The following FANCB variants were observed in gnomAD, a reference collection of about 807,000 sequenced individuals.
FANCB encodes the protein FA complementation group B.
In FANCB, 5 loss-of-function variants were observed where a neutral mutation model predicts 38.9. The ratio of observed to expected loss-of-function variants is 0.13; its 90% CI spans 0.07 to 0.27. The LOEUF (loss-of-function observed/expected upper bound fraction) is 0.27. Among genes scored for constraint, FANCB ranks in the 10% least tolerant of loss-of-function variants. FANCB has a pLI of 1.00. For missense variants in FANCB, 573 were observed against 602.7 expected, an observed-to-expected ratio of 0.95 and a Z score of 0.52; for synonymous variants, 236 against 215.4, an observed-to-expected ratio of 1.10 and a Z score of -0.84.
the FANCB span, among the ~76,000 whole-genome samples, chrX:14,823,749 C>T: frequency 1.8e-5 from 2 of 111,948 alleles, no homozygotes; most frequent in Admixed American, 1.9e-4. Flanking sequence ...GACAAATGTA[C>T]ACATTTGGGT....
the FANCB span, among the ~76,000 whole-genome samples, chrX:14,809,826 C>A: frequency 8.9e-6 from 1 of 112,535 alleles, no homozygotes; most frequent in Non-Finnish European, 1.9e-5. Flanking sequence ...TTGAAGAGAG[C>A]AGTGGTTCTC....
At chrX:14,729,757 T>C in the FANCB span, among the ~76,000 whole-genome samples, 1 of 111,219 alleles carries the variant, frequency 9.0e-6, no homozygotes, top group Non-Finnish European at 1.9e-5. Flanking sequence ...ACCACAATAC[T>C]ATAGGTTCCT....
chrX:14,844,816 T>C (rs770615860), intron 8 of FANCB, 40 bp downstream of exon 8: 3 of 1,163,979 alleles, frequency 2.6e-6, no homozygotes, highest in Non-Finnish European at 3.5e-6. Flanking sequence ...AATTTTCTAA[T>C]TCAATTAAAT....
the FANCB span, among the ~76,000 whole-genome samples, chrX:14,805,488 C>T: frequency 4.5e-5 from 5 of 111,066 alleles, no homozygotes; most frequent in African/African-American, 1.6e-4. Context: ...TCATGGAGAA[C>T]ACACCATCAC....
chrX:14,790,737 G>A, the FANCB span, among the ~76,000 whole-genome samples: 1 of 111,406 alleles, frequency 9.0e-6, no homozygotes, highest in Non-Finnish European at 1.9e-5. Flanking sequence ...TTAGAGTGTT[G>A]CAAAAGCAGA....
the FANCB span, among the ~76,000 whole-genome samples, chrX:14,786,100 C>A: frequency 9.0e-6 from 1 of 111,699 alleles, no homozygotes; most frequent in African/African-American, 3.3e-5. Context: ...AGTTGTCCTG[C>A]CTTGAAGCAA....
At chrX:14,804,150 C>T in the FANCB span, among the ~76,000 whole-genome samples, 112 of 111,736 alleles carry the variant, frequency 1.0e-3, 2 homozygotes, top group East Asian at 0.025. Flanking sequence ...ACCCAAAGGA[C>T]TATAAATCAT....
chrX:14,831,658 T>C (rs1020560761), downstream of FANCB, among the ~76,000 whole-genome samples: 6 of 110,805 alleles, frequency 5.4e-5, no homozygotes, highest in African/African-American at 2.0e-4. Flanking sequence ...GCTTGCCACA[T>C]AGGGAATTTG....
At chrX:14,698,400 C>T in the FANCB span, among the ~76,000 whole-genome samples, 3 of 109,360 alleles carry the variant, frequency 2.7e-5, no homozygotes, top group Admixed American at 2.0e-4. Context: ...ATATTTTGGC[C>T]GGGAGCGGTG....
At chrX:14,740,205 T>C in the FANCB span, among the ~76,000 whole-genome samples, 863 of 111,897 alleles carry the variant, frequency 7.7e-3, 28 homozygotes, top group Admixed American at 0.074. Context: ...GAGAAATATT[T>C]AGGGGCAGGG....
the FANCB span, among the ~76,000 whole-genome samples, chrX:14,744,136 C>T: frequency 9.0e-6 from 1 of 111,620 alleles, no homozygotes; most frequent in Non-Finnish European, 1.9e-5. Flanking sequence ...AAAATACATA[C>T]AGATTAAGCC....
In FANCB at chrX:14,844,937, C is replaced by T; in HGVS notation, c.1846G>A (p.Val616Met). ...SGNCPKDRYV[V>M]CGRVFLSLED... ...AGACTTAAAAAAACTCTGCCACACA[C>T]AACATAACGATCTTTAGGACAGTTA... Residue 616 changes from valine (V) to methionine (M), a missense_variant, in exon 8 of 10, where the codon GTG (valine) becomes ATG (methionine). Coordinates refer to ENST00000650831, the MANE Select transcript of FANCB (RefSeq NM_001018113.3). 8.3e-7 allele frequency: 1 copy of T among 1,202,579 alleles called. No individual in the cohort carries two copies. The highest frequency in any genetic ancestry group is 1.1e-6 in the Non-Finnish European group (1 of 890,412).
At chrX:14,840,871 C>T (rs1409057665), downstream of FANCB, among the ~76,000 whole-genome samples, 1 of 111,845 alleles carries the variant, frequency 8.9e-6, no homozygotes, top group African/African-American at 3.3e-5. Flanking sequence ...TCTGAATAGT[C>T]AAAGCATGGT....
the FANCB span, among the ~76,000 whole-genome samples, chrX:14,691,322 T>TGCGC: frequency 8.5e-5 from 7 of 81,970 alleles, no homozygotes; most frequent in African/African-American, 3.8e-4. Context: ...TGTGTGTGTG[T>TGCGC]GTGCGCGCGT....
chrX:14,864,671 T>C lies in FANCB; in HGVS notation c.840A>G (p.Pro280=), dbSNP rs112467543. The C allele has an allele frequency of 8.3e-7, 1 of 1,210,276 alleles. No homozygotes were observed. The highest frequency in any genetic ancestry group is 1.7e-5 in the African/African-American group (1 of 57,817). The change falls in exon 3 of 10, where the codon CCA becomes CCG. Residue 280 remains proline, a synonymous_variant. Transcript: ENST00000650831. ...NGTPKNVCQL[P]FGDPCAVQLM... ...GTTGAACTGCACAAGGATCTCCAAATGGAAGCTGGCACACATTTTTAGGAG... is the reference window on the plus strand; with the variant it reads ...GTTGAACTGCACAAGGATCTCCAAACGGAAGCTGGCACACATTTTTAGGAG...
the FANCB span, among the ~76,000 whole-genome samples, chrX:14,781,478 T>C: frequency 4.4e-3 from 488 of 111,228 alleles, no homozygotes; most frequent in Non-Finnish European, 7.2e-3. Context: ...TTAAAAAAAA[T>C]AAAAGATGAA....
rs373175926 is a variant in FANCB at position 14,873,013 on chromosome X, C to A, written c.-219G>T. On this transcript the variant is annotated 5_prime_UTR_variant, in exon 1 of 10. Transcript: ENST00000650831. Reference sequence around the variant, plus strand: ...CAACGCAGCGGCAACATACCGGAGGCCCCACGTCGATACGGTATCCATCTG... The same window carrying A: ...CAACGCAGCGGCAACATACCGGAGGACCCACGTCGATACGGTATCCATCTG... The A allele has an allele frequency of 5.6e-5, 7 of 124,553 alleles. No individual in the cohort carries two copies. Among genetic ancestry groups the A allele is most frequent in the Middle Eastern group, 4.0e-3 (1 of 253 alleles). The allele number at this position is 124,553 out of a possible 1,213,427, so 10.3% of individuals were successfully genotyped here.
the FANCB span, among the ~76,000 whole-genome samples, chrX:14,814,394 C>T: frequency 8.9e-6 from 1 of 112,154 alleles, no homozygotes; most frequent in Non-Finnish European, 1.9e-5. Flanking sequence ...AGGCAACCTA[C>T]AGAATGGGAG....
intron 5 of FANCB, among the ~76,000 whole-genome samples, chrX:14,857,191 G>A (rs2092426703): frequency 8.9e-6 from 1 of 111,945 alleles, no homozygotes; most frequent in African/African-American, 3.2e-5. Context: ...TGTATTCCTG[G>A]AATGTTTCTG....
Sources: allele counts gnomAD v4.1 joint callset (sites outside exome capture counted in the v4.1 genomes callset), GRCh38; gene constraint gnomAD v4.1.1; transcripts MANE v1.5; gene names NCBI Gene and HGNC (gene_info 2026-07-23, HGNC 2026-07-21).